Variants in SDK1 observed in about 807,000 individuals in gnomAD.
The protein encoded by SDK1 is protein sidekick-1.
SDK1 carries 157 observed loss-of-function variants against 245.5 expected under a neutral mutation model. The ratio of observed to expected loss-of-function variants is 0.64; its 90% CI spans 0.56 to 0.73. The LOEUF (loss-of-function observed/expected upper bound fraction) is 0.73. Among genes scored for constraint, SDK1 ranks in the 30% least tolerant of loss-of-function variants. SDK1 has a pLI of 0.00. For synonymous variants in SDK1, 1,647 were observed against 1,278.5 expected, an observed-to-expected ratio of 1.29 and a Z score of -6.15; for missense variants, 3,583 against 3,002.3, an observed-to-expected ratio of 1.19 and a Z score of -4.52.
At chr7:4,065,694 G>GTTGTTTTT (rs1779841876) in intron 19 of SDK1, among the ~76,000 whole-genome samples, 32 of 66,692 alleles carry the variant, frequency 4.8e-4, no homozygotes, top group African/African-American at 1.1e-3. Flanking sequence ...AGTGGTTGTT[G>GTTGTTTTT]TTTTTTTTTT....
At chr7:3,503,336 T>C (rs947497358) in intron 1 of SDK1, among the ~76,000 whole-genome samples, 1 of 152,180 alleles carries the variant, frequency 6.6e-6, no homozygotes, top group Admixed American at 6.6e-5. Context: ...CTAATGATGA[T>C]TGAATCTTGT....
chr7:3,468,189 T>C (rs1225026667), intron 1 of SDK1, among the ~76,000 whole-genome samples: 3 of 152,212 alleles, frequency 2.0e-5, no homozygotes. Context: ...TATTCATGCT[T>C]TTCTAGATAA....
At chr7:3,738,409 C>T (rs922179166) in intron 4 of SDK1, among the ~76,000 whole-genome samples, 1 of 152,162 alleles carries the variant, frequency 6.6e-6, no homozygotes, top group Non-Finnish European at 1.5e-5. Context: ...GTTTGTATGC[C>T]TCTCTCTGTG....
At chr7:3,438,682 A>C (rs748725838) in intron 1 of SDK1, among the ~76,000 whole-genome samples, 1 of 152,108 alleles carries the variant, frequency 6.6e-6, no homozygotes, top group South Asian at 2.1e-4. Context: ...CTCTATTGCC[A>C]ACCCAAGTTT....
intron 5 of SDK1, among the ~76,000 whole-genome samples, chr7:3,893,593 C>T (rs1314500431): frequency 1.3e-5 from 2 of 151,904 alleles, no homozygotes; most frequent in African/African-American, 2.4e-5. Context: ...AAGCTTTCTG[C>T]AATCCTCCCC....
intron 5 of SDK1, among the ~76,000 whole-genome samples, chr7:3,831,241 A>C (rs1259322488): frequency 2.0e-5 from 3 of 152,354 alleles, no homozygotes; most frequent in East Asian, 3.9e-4. Flanking sequence ...TACTTTTCTT[A>C]GAAAAACTGT....
At chr7:4,011,324 A>G (rs895437529) in intron 15 of SDK1, among the ~76,000 whole-genome samples, 2 of 152,256 alleles carry the variant, frequency 1.3e-5, no homozygotes, top group East Asian at 1.9e-4. Context: ...GCTTTGAGGC[A>G]GGTTCCTTGG....
chr7:3,937,907 G>A (rs975797731), intron 5 of SDK1, among the ~76,000 whole-genome samples: 3 of 151,902 alleles, frequency 2.0e-5, no homozygotes, highest in African/African-American at 7.3e-5. Flanking sequence ...ACGTAATCTC[G>A]GCTCACTGCA....
chr7:4,083,182 C>T (rs150456934), intron 22 of SDK1, among the ~76,000 whole-genome samples: 115 of 152,238 alleles, frequency 7.6e-4, no homozygotes, highest in African/African-American at 2.7e-3. Context: ...ATACACACAC[C>T]TGGGAAGCTG....
intron 1 of SDK1, among the ~76,000 whole-genome samples, chr7:3,519,204 A>T (rs1215827476): frequency 6.6e-6 from 1 of 152,134 alleles, no homozygotes; most frequent in Non-Finnish European, 1.5e-5. Flanking sequence ...AGATAGGAAG[A>T]ATCAGTTCAA....
intron 1 of SDK1, among the ~76,000 whole-genome samples, chr7:3,448,003 C>T (rs1010964445): frequency 6.6e-6 from 1 of 152,064 alleles, no homozygotes; most frequent in African/African-American, 2.4e-5. Context: ...TGCACCCGGC[C>T]TATATATCTT....
rs1477156158 is a variant in SDK1 at position 4,173,694 on chromosome 7, G to A, written c.4801-528G>A. On this transcript the variant is annotated intron_variant, in intron 32 of 44. Coordinates refer to ENST00000404826, the MANE Select transcript of SDK1 (RefSeq NM_152744.4). ...TGATAGGCCAGGCCAGCCATCATGC[G>A]AGGGGCCATGGGGATTCCAGCCTGA... Among the ~76,000 whole-genome samples, 8 of 152,314 alleles carry A rather than the reference G, an allele frequency of 5.3e-5. No individual in the cohort carries two copies. In the East Asian group the frequency reaches 1.2e-3, roughly 22 times the overall value.
chr7:4,262,422 G>T (rs1788076508), intron 44 of SDK1, among the ~76,000 whole-genome samples: 1 of 151,362 alleles, frequency 6.6e-6, no homozygotes, highest in Non-Finnish European at 1.5e-5. Flanking sequence ...AACATGCAGG[G>T]TCCATGTTCT....
chr7:3,580,474 C>T (rs191600689), intron 1 of SDK1, among the ~76,000 whole-genome samples: 2 of 152,038 alleles, frequency 1.3e-5, no homozygotes, highest in African/African-American at 4.8e-5. Context: ...AATAGAGTAC[C>T]CACAGATAAG....
intron 17 of SDK1, among the ~76,000 whole-genome samples, chr7:4,028,378 C>T (rs1226490044): frequency 6.6e-6 from 1 of 152,182 alleles, no homozygotes; most frequent in Non-Finnish European, 1.5e-5. Flanking sequence ...AAACAATAAG[C>T]AACAGTCCCC....
chr7:3,348,221 G>A (rs912788762), intron 1 of SDK1, among the ~76,000 whole-genome samples: 2 of 152,126 alleles, frequency 1.3e-5, no homozygotes, highest in African/African-American at 4.8e-5. Flanking sequence ...TTCACTACTT[G>A]ATAACTGTGT....
intron 1 of SDK1, among the ~76,000 whole-genome samples, chr7:3,616,590 C>T (rs1412317017): frequency 6.6e-6 from 1 of 152,090 alleles, no homozygotes; most frequent in Non-Finnish European, 1.5e-5. Flanking sequence ...ACTGTAAGTT[C>T]TTGCCGTACT....
chr7:3,619,801 G>C (rs1316650519), intron 2 of SDK1, among the ~76,000 whole-genome samples: 3 of 152,238 alleles, frequency 2.0e-5, no homozygotes, highest in African/African-American at 7.2e-5. Context: ...GGGATCTGAT[G>C]CACTGGGGTG....
intron 4 of SDK1, among the ~76,000 whole-genome samples, chr7:3,673,424 G>C (rs900854009): frequency 1.1e-4 from 16 of 152,114 alleles, no homozygotes; most frequent in African/African-American, 2.9e-4. Flanking sequence ...CTTCCTTTTA[G>C]TATACTCTCT....
Sources: allele counts gnomAD v4.1 joint callset (sites outside exome capture counted in the v4.1 genomes callset), GRCh38; gene constraint gnomAD v4.1.1; transcripts MANE v1.5; gene names NCBI Gene and HGNC (gene_info 2026-07-23, HGNC 2026-07-21).